The following NIFK variants were observed in gnomAD, a reference collection of about 807,000 sequenced individuals.
NIFK encodes nucleolar protein interacting with the FHA domain of MKI67.
A neutral mutation model predicts 31.7 loss-of-function variants in NIFK; 16 were observed. The ratio of observed to expected loss-of-function variants is 0.50; its 90% CI spans 0.34 to 0.77. The LOEUF (loss-of-function observed/expected upper bound fraction) is 0.77, where lower values mean the gene tolerates loss of function less well. NIFK is among the 30% of genes least tolerant of loss of function. The pLI is 0.01. For synonymous variants in NIFK, 126 were observed against 123.0 expected (o/e 1.02, Z -0.16); for missense variants, 341 against 350.4 (o/e 0.97, Z 0.21).
chr2:121,736,621 C>T lies in NIFK; in HGVS notation c.105+125G>A. On this transcript the variant is annotated intron_variant, in intron 1 of 6. Coordinates refer to ENST00000285814, the MANE Select transcript of NIFK (RefSeq NM_032390.5). ...ATTCGGTCGAATCCACTTGGGAGAC[C>T]CTGGAGGTAATGAAGGCGAGCACGA... 3 of 775,336 alleles carry T rather than the reference C, an allele frequency of 3.9e-6. No homozygotes were observed. The South Asian group carries it at 4.6e-5, about 12-fold the overall frequency. The allele number at this position is 775,336 out of a possible 1,614,324, so 48.0% of individuals were successfully genotyped here.
chr2:121,733,244 G>A (rs1421308035), intron 2 of NIFK, among the ~76,000 whole-genome samples: 1 of 152,080 alleles, frequency 6.6e-6, no homozygotes, highest in Non-Finnish European at 1.5e-5. Context: ...GCCGGGCACA[G>A]TGGCTCACAC....
chr2:121,733,039 G>A (rs1041546196), intron 2 of NIFK, among the ~76,000 whole-genome samples: 5 of 151,870 alleles, frequency 3.3e-5, no homozygotes, highest in Admixed American at 1.3e-4. Flanking sequence ...CTGAGATCGC[G>A]CCACTGCACT....
rs1277047067 is a variant in NIFK at position 121,727,297 on chromosome 2, T to C, written c.*427A>G. ...AACTTCCAGCTTCAACCATCTGATGTTGAAATCTAAAGCACCTCCATGAGT... is the reference window on the plus strand; with the variant it reads ...AACTTCCAGCTTCAACCATCTGATGCTGAAATCTAAAGCACCTCCATGAGT... On this transcript the variant is annotated 3_prime_UTR_variant, in exon 7 of 7. Coordinates refer to ENST00000285814, the MANE Select transcript of NIFK (RefSeq NM_032390.5). 1 of 399,146 alleles carries C rather than the reference T, an allele frequency of 2.5e-6. No individual in the cohort carries two copies. Among genetic ancestry groups the C allele is most frequent in the East Asian group, 7.2e-5 (1 of 13,882 alleles). The allele number at this position is 399,146 out of a possible 1,614,324, so 24.7% of individuals were successfully genotyped here.
In NIFK at chr2:121,728,333, T is replaced by C. The variant is rs779254748; in HGVS notation, c.648A>G (p.Lys216=). Reference sequence around the variant, plus strand: ...CAGGAGTGTCAAGAGTACCTGAAACTTTTTTCTTCTTCTTACGTAAAACCT... The same window carrying C: ...CAGGAGTGTCAAGAGTACCTGAAACCTTTTTCTTCTTCTTACGTAAAACCT... ...KGQVLRKKKK[K]VSGTLDTPEK... is the part of the protein sequence containing the mutation. The change falls in exon 6 of 7, where the codon AAA becomes AAG. Residue 216 remains lysine, a synonymous_variant. Coordinates refer to ENST00000285814, the MANE Select transcript of NIFK (RefSeq NM_032390.5). 156 of 1,608,500 alleles carry C rather than the reference T, an allele frequency of 9.7e-5. No individual in the cohort carries two copies. The highest frequency in any genetic ancestry group is 1.1e-4 in the Non-Finnish European group (133 of 1,176,674).
chr2:121,734,122 ACT>A (rs1409783757), intron 2 of NIFK, among the ~76,000 whole-genome samples: 2 of 149,846 alleles, frequency 1.3e-5, no homozygotes, highest in Non-Finnish European at 1.5e-5. Flanking sequence ...TAGTAGAAAC[ACT>A]GTTTCTACTA....
chr2:121,728,002 A>G (rs534601859), intron 6 of NIFK, 90 bp from the exon 7 acceptor site: 13 of 1,217,344 alleles, frequency 1.1e-5, no homozygotes, highest in South Asian at 8.2e-5. Context: ...TATTTTTACA[A>G]GTTGTGCCCC....
intron 1 of NIFK, among the ~76,000 whole-genome samples, chr2:121,736,519 C>T (rs2106444435): frequency 6.6e-6 from 1 of 152,376 alleles, no homozygotes; most frequent in South Asian, 2.1e-4. Flanking sequence ...CGGCCAAACC[C>T]CTCCATCATT....
In NIFK at chr2:121,736,862, C is replaced by G. The variant is rs1210635132; in HGVS notation, c.-12G>C. ...GAAAAAGTCGCCATGCCAAAAGCCG[C>G]CGACGCTAACCACGCGGCGCTCCCG... On this transcript the variant is annotated 5_prime_UTR_variant, in exon 1 of 7. Coordinates refer to ENST00000285814, the MANE Select transcript of NIFK (RefSeq NM_032390.5). 1 of 1,608,964 alleles carries G rather than the reference C, an allele frequency of 6.2e-7. No individual in the cohort carries two copies. The highest frequency in any genetic ancestry group is 1.3e-5 in the African/African-American group (1 of 74,912).
rs575855079 is a variant in NIFK, at chr2:121,729,916, T to C, written c.564+977A>G. 2.0e-5 allele frequency among the ~76,000 whole-genome samples: 3 copies of C among 152,248 alleles called. No individual in the cohort carries two copies. In the East Asian group the frequency reaches 5.8e-4, roughly 29 times the overall value. ...TAGGAAGAACCTACAATGGAATGTT[T>C]CAAAAGTTTAGTCAGGCCAGTCATG... On this transcript the variant is annotated intron_variant, in intron 4 of 6. Coordinates refer to ENST00000285814, the MANE Select transcript of NIFK (RefSeq NM_032390.5).
chr2:121,730,606 C>T (rs149871085), intron 4 of NIFK: 6 of 344,324 alleles, frequency 1.7e-5, no homozygotes, highest in East Asian at 6.7e-5. Flanking sequence ...CACTTTGGGA[C>T]GCTGAGGTGG....
chr2:121,734,204 G>GAGA (rs950480444), intron 2 of NIFK, among the ~76,000 whole-genome samples: 1 of 152,014 alleles, frequency 6.6e-6, no homozygotes, highest in Non-Finnish European at 1.5e-5. Flanking sequence ...GGTGAGGAAA[G>GAGA]AGAATCACTT....
rs1312250260 is a variant in NIFK, at chr2:121,732,066, G to A, written c.352+30C>T. ...TCACCCACCAACAGCAGGCACCCAG[G>A]CAACCCTGCGGTAAGACAGGAGCAC... On this transcript the variant is annotated intron_variant, in intron 3 of 6. Transcript: ENST00000285814. 6 of 1,377,282 alleles carry A rather than the reference G, an allele frequency of 4.4e-6. No individual in the cohort carries two copies. In the East Asian group the frequency reaches 1.4e-4, roughly 31 times the overall value. 85.3% of individuals were successfully genotyped at this position (1,377,282 alleles called of 1,614,324 possible).
chr2:121,732,221 GC>G lies in NIFK; in HGVS notation c.244-18del. On this transcript the variant is annotated intron_variant, in intron 2 of 6. Transcript: ENST00000285814. ...ATTTCCAGTCTGCAACAGAGAAACC[GC>G]CACAAAAAGTAGAACAATTAAATTT... 2.1e-6 allele frequency: 3 copies of G among 1,439,386 alleles called. No homozygotes were observed. The highest frequency in any genetic ancestry group is 1.9e-6 in the Non-Finnish European group (2 of 1,028,138). 89.2% of individuals were successfully genotyped at this position (1,439,386 alleles called of 1,614,324 possible).
intron 2 of NIFK, among the ~76,000 whole-genome samples, chr2:121,733,236 C>T (rs1385609863): frequency 1.3e-5 from 2 of 151,854 alleles, no homozygotes; most frequent in Non-Finnish European, 2.9e-5. Flanking sequence ...AAAATTAGGC[C>T]GGGCACAGTG....
chr2:121,728,973 A>G (rs2074516114), intron 4 of NIFK, among the ~76,000 whole-genome samples: 1 of 152,168 alleles, frequency 6.6e-6, no homozygotes, highest in Admixed American at 6.6e-5. Flanking sequence ...TAATACTATT[A>G]AAGACAGTAT....
rs557565645 is a variant in NIFK at position 121,732,960 on chromosome 2, T to TA, written c.244-757dup. ...AGCTGGGCATGGTGACATGTACCTG[T>TA]AATCCCAGCTACTCAGGAGGCTGAG... is the stretch of plus-strand genomic sequence containing the variant. On this transcript the variant is annotated intron_variant, in intron 2 of 6. Coordinates refer to ENST00000285814, the MANE Select transcript of NIFK (RefSeq NM_032390.5). Among the ~76,000 whole-genome samples the TA allele has an allele frequency of 2.5e-3, 376 of 151,978 alleles. 1 individual carries two copies. Among genetic ancestry groups the TA allele is most frequent in the Middle Eastern group, 0.017 (5 of 294 alleles).
At chr2:121,729,381 A>AAG (rs1396897655) in intron 4 of NIFK, among the ~76,000 whole-genome samples, 1 of 151,716 alleles carries the variant, frequency 6.6e-6, no homozygotes, top group East Asian at 1.9e-4. Context: ...AAAAAAAAAA[A>AAG]AAAAGAAAAG....
In NIFK at chr2:121,732,086, G is replaced by C; in HGVS notation, c.352+10C>G. 1 of 1,540,770 alleles carries C rather than the reference G, an allele frequency of 6.5e-7. No homozygotes were observed. Among genetic ancestry groups the C allele is most frequent in the Non-Finnish European group, 9.0e-7 (1 of 1,113,706 alleles). On this transcript the variant is annotated intron_variant, in intron 3 of 6. Transcript: ENST00000285814. The stretch of plus-strand genomic sequence containing the variant: ...CCCAGGCAACCCTGCGGTAAGACAG[G>C]AGCACTTACACTCCAAGAGTCTTTC...
rs189690143 is a variant in NIFK, at chr2:121,729,282, C to T, written c.565-746G>A. Among the ~76,000 whole-genome samples, 11 of 150,566 alleles carry T rather than the reference C, an allele frequency of 7.3e-5. No individual in the cohort carries two copies. In the South Asian group the frequency reaches 1.3e-3, roughly 17 times the overall value. ...CTCGTGGGGGCTGAGGCAGGAGAAT[C>T]GCTTGAACCTGGGAGGCGGAGGTTG... is the stretch of plus-strand genomic sequence containing the variant. On this transcript the variant is annotated intron_variant, in intron 4 of 6. Coordinates refer to ENST00000285814, the MANE Select transcript of NIFK (RefSeq NM_032390.5).
Sources: allele counts gnomAD v4.1 joint callset (sites outside exome capture counted in the v4.1 genomes callset), GRCh38; gene constraint gnomAD v4.1.1; transcripts MANE v1.5; gene names NCBI Gene and HGNC (gene_info 2026-07-23, HGNC 2026-07-21).